The following PDZD8 variants were observed in gnomAD, a reference collection of about 807,000 sequenced individuals.
PDZD8 encodes the protein PDZ domain-containing protein 8.
In PDZD8, 14 loss-of-function variants were observed where a neutral mutation model predicts 85.8. The ratio of observed to expected loss-of-function variants is 0.16; its 90% CI spans 0.11 to 0.26. The LOEUF (loss-of-function observed/expected upper bound fraction) is 0.26, where lower values mean the gene tolerates loss of function less well. Among genes scored for constraint, PDZD8 ranks in the 10% least tolerant of loss-of-function variants. The pLI is 1.00. For synonymous variants in PDZD8, 592 were observed against 568.6 expected, an observed-to-expected ratio of 1.04 and a Z score of -0.59; for missense variants, 1,197 against 1,424.3, an observed-to-expected ratio of 0.84 and a Z score of 2.57.
intron 3 of PDZD8, among the ~76,000 whole-genome samples, chr10:117,317,620 T>C (rs1452100054): frequency 2.0e-5 from 3 of 152,224 alleles, no homozygotes; most frequent in African/African-American, 4.8e-5. Context: ...AATGGCAAGT[T>C]ATGACCAATT....
chr10:117,283,542 G>A lies in PDZD8; in HGVS notation c.3191C>T (p.Thr1064Ile), dbSNP rs143646854. The A allele has an allele frequency of 2.4e-4, 392 of 1,614,168 alleles. No individual in the cohort carries two copies. Among genetic ancestry groups the A allele is most frequent in the Admixed American group, 5.8e-4 (35 of 60,020 alleles). ...AAGTGATTTTTTCCTTGTATCAGTT[G>A]TCTCTTTTTCTTCTCTAACAAGGGA... is the stretch of plus-strand genomic sequence containing the variant. The part of the protein sequence containing the change: ...NNSLVREEKE[T>I]TDTRKKSLLS... Residue 1064 changes from threonine (T) to isoleucine (I), a missense_variant, in exon 5 of 5, where the codon ACA (threonine) becomes ATA (isoleucine). Physicochemically the swap from Thr to Ile is moderately conservative, Grantham distance 89 (BLOSUM62 -1). Transcript: ENST00000334464.
At chr10:117,324,679 T>C (rs1844285547) in intron 2 of PDZD8, among the ~76,000 whole-genome samples, 1 of 152,220 alleles carries the variant, frequency 6.6e-6, no homozygotes, top group South Asian at 2.1e-4. Context: ...ACTGATGGCT[T>C]CATGAAACTG....
chr10:117,361,715 C>G (rs987041716), intron 1 of PDZD8, among the ~76,000 whole-genome samples: 1 of 152,058 alleles, frequency 6.6e-6, no homozygotes, highest in African/African-American at 2.4e-5. Flanking sequence ...TAGCCCTCCA[C>G]GTCTATGGGT....
At chr10:117,334,507 TCAAAA>T (rs1045904396) in intron 2 of PDZD8, among the ~76,000 whole-genome samples, 4 of 151,834 alleles carry the variant, frequency 2.6e-5, no homozygotes, top group East Asian at 1.9e-4. Context: ...AGACCCTGTC[TCAAAA>T]CAAAACAAAA....
chr10:117,306,823 T>C (rs59647416), intron 3 of PDZD8, among the ~76,000 whole-genome samples: 3,358 of 152,280 alleles, frequency 0.022, 127 homozygotes, highest in African/African-American at 0.076. Flanking sequence ...CTCTGCATAT[T>C]ATTTTTCTGA....
intron 1 of PDZD8, among the ~76,000 whole-genome samples, chr10:117,359,245 T>C (rs1589592005): frequency 6.6e-6 from 1 of 150,872 alleles, no homozygotes; most frequent in African/African-American, 2.4e-5. Context: ...CAAAACCCCA[T>C]CTCTACAAAA....
At chr10:117,353,894 A>G (rs979511987) in intron 1 of PDZD8, among the ~76,000 whole-genome samples, 1 of 152,114 alleles carries the variant, frequency 6.6e-6, no homozygotes, top group Admixed American at 6.5e-5. Context: ...TCCTTTCTCT[A>G]ACTTCCCTGA....
intron 2 of PDZD8, among the ~76,000 whole-genome samples, chr10:117,323,591 T>C (rs1844264237): frequency 6.6e-6 from 1 of 152,144 alleles, no homozygotes; most frequent in Non-Finnish European, 1.5e-5. Flanking sequence ...TTGGAACCTA[T>C]GACCTGGTAT....
chr10:117,320,459 G>A (rs1288094262), intron 2 of PDZD8, among the ~76,000 whole-genome samples: 1 of 151,926 alleles, frequency 6.6e-6, no homozygotes, highest in Non-Finnish European at 1.5e-5. Flanking sequence ...TTTTTAGAAA[G>A]AGTAATAAAA....
chr10:117,291,723 T>C (rs1218453737), intron 3 of PDZD8, among the ~76,000 whole-genome samples: 4 of 151,874 alleles, frequency 2.6e-5, no homozygotes, highest in Non-Finnish European at 5.9e-5. Flanking sequence ...TGTCCTATTC[T>C]AACCCATCAA....
chr10:117,304,652 T>C (rs549342968), intron 3 of PDZD8, among the ~76,000 whole-genome samples: 1 of 152,240 alleles, frequency 6.6e-6, no homozygotes, highest in South Asian at 2.1e-4. Context: ...GGGGAGGTAA[T>C]TGAATCATGG....
rs182880382 is a variant in PDZD8 at position 117,300,554 on chromosome 10, C to T, written c.1099-10206G>A. Among the ~76,000 whole-genome samples, 586 of 152,260 alleles carry T rather than the reference C, an allele frequency of 3.8e-3. 4 individuals carry two copies. Among genetic ancestry groups the T allele is most frequent in the African/African-American group, 0.013 (555 of 41,556 alleles). The stretch of plus-strand genomic sequence containing the variant: ...TGCTCATGAGAATATAAAAAAGCTC[C>T]TTTGGTTGAAGGAACCAAAACTCTA... On this transcript the variant is annotated intron_variant, in intron 3 of 4. Transcript: ENST00000334464.
intron 3 of PDZD8, among the ~76,000 whole-genome samples, chr10:117,296,077 C>T (rs1843752643): frequency 6.6e-6 from 1 of 151,216 alleles, no homozygotes; most frequent in African/African-American, 2.4e-5. Context: ...TAGAAAATTC[C>T]AAGAAATCTA....
intron 2 of PDZD8, among the ~76,000 whole-genome samples, chr10:117,333,843 A>G (rs1844471973): frequency 6.6e-6 from 1 of 152,212 alleles, no homozygotes; most frequent in Non-Finnish European, 1.5e-5. Flanking sequence ...TGACAACACT[A>G]AAAAAGAATT....
intron 4 of PDZD8, chr10:117,285,676 T>C: frequency 8.4e-7 from 1 of 1,195,628 alleles, no homozygotes; most frequent in South Asian, 2.7e-5. Context: ...AATGTGCTGA[T>C]ATCCTGGAGA....
intron 3 of PDZD8, among the ~76,000 whole-genome samples, chr10:117,291,235 T>TAA (rs10650665): frequency 0.067 from 10,194 of 151,966 alleles, 425 homozygotes; most frequent in African/African-American, 0.11. Flanking sequence ...CATTTATACT[T>TAA]TATTAAGAGT....
chr10:117,338,779 G>A (rs1273484495), intron 2 of PDZD8, among the ~76,000 whole-genome samples: 1 of 152,062 alleles, frequency 6.6e-6, no homozygotes, highest in African/African-American at 2.4e-5. Flanking sequence ...CTTTCTCAAT[G>A]CCTTACATGC....
Position 117,283,080 on chromosome 10 carries a change from C to A in PDZD8, c.*188G>T. 3.6e-6 allele frequency: 2 copies of A among 554,550 alleles called. No homozygotes were observed. The highest frequency in any genetic ancestry group is 3.3e-5 in the South Asian group (1 of 30,514). 34.4% of individuals were successfully genotyped at this position (554,550 alleles called of 1,614,324 possible). On this transcript the variant is annotated 3_prime_UTR_variant, in exon 5 of 5. Coordinates refer to ENST00000334464, the MANE Select transcript of PDZD8 (RefSeq NM_173791.5). ...AAAAAGCATAGCTATAAATGCAATC[C>A]AAAACAACCAATTAGTAAGCTGGTC...
At chr10:117,355,095 A>G (rs1317018441) in intron 1 of PDZD8, among the ~76,000 whole-genome samples, 1 of 152,164 alleles carries the variant, frequency 6.6e-6, no homozygotes, top group Admixed American at 6.6e-5. Flanking sequence ...CAAATTTTCA[A>G]TTTTACTTAG....
Sources: gnomAD v4.1 joint callset for allele counts (sites outside exome capture counted in the v4.1 genomes callset) on GRCh38, gnomAD v4.1.1 for gene constraint, MANE v1.5 for transcripts, NCBI Gene and HGNC (gene_info 2026-07-23, HGNC 2026-07-21) for gene names.